DENND1B: variants seen among roughly 807,000 people sequenced by gnomAD.
DENND1B encodes the protein DENN domain-containing protein 1B.
DENND1B carries 59 observed loss-of-function variants against 90.1 expected under a neutral mutation model. The observed-to-expected ratio is 0.65, with a 90% CI of 0.53 to 0.81. The LOEUF (loss-of-function observed/expected upper bound fraction) is 0.81. Ranked by LOEUF, DENND1B falls within the 40% of genes least tolerant of loss-of-function variation. DENND1B has a pLI of 0.00. For synonymous variants in DENND1B, 337 were observed against 324.6 expected (o/e 1.04, Z -0.41); for missense variants, 862 against 912.6 (o/e 0.94, Z 0.71).
intron 10 of DENND1B, among the ~76,000 whole-genome samples, chr1:197,627,083 G>T (rs569503599): frequency 6.6e-6 from 1 of 152,040 alleles, no homozygotes; most frequent in Non-Finnish European, 1.5e-5. Context: ...ATTCACAGCC[G>T]AATTCTACCA....
At chr1:197,627,115 A>G (rs1400176859) in intron 10 of DENND1B, among the ~76,000 whole-genome samples, 1 of 152,186 alleles carries the variant, frequency 6.6e-6, no homozygotes, top group Admixed American at 6.5e-5. Context: ...AGGAACTGGT[A>G]CCATTCCTTC....
chr1:197,580,915 T>C (rs1170895114), intron 15 of DENND1B, among the ~76,000 whole-genome samples: 1 of 152,174 alleles, frequency 6.6e-6, no homozygotes, highest in African/African-American at 2.4e-5. Context: ...AATTGTAGTA[T>C]GTAGGTTATT....
intron 2 of DENND1B, among the ~76,000 whole-genome samples, chr1:197,729,182 C>T (rs1367274195): frequency 6.6e-6 from 1 of 152,158 alleles, no homozygotes; most frequent in East Asian, 1.9e-4. Flanking sequence ...ACCAAACCAT[C>T]TTATTTGTGT....
chr1:197,746,163 A>G, intron 2 of DENND1B, among the ~76,000 whole-genome samples: 1 of 152,204 alleles, frequency 6.6e-6, no homozygotes, highest in East Asian at 1.9e-4. Flanking sequence ...AGGCCAAGGC[A>G]GATGGATCAT....
intron 3 of DENND1B, among the ~76,000 whole-genome samples, chr1:197,707,673 AATAAT>A (rs567297586): frequency 0.023 from 3,368 of 145,618 alleles, 123 homozygotes; most frequent in African/African-American, 0.077. Context: ...TATATAATAT[AATAAT>A]ATAATATAAT....
chr1:197,691,277 A>C (rs1368165444), intron 3 of DENND1B, among the ~76,000 whole-genome samples: 1 of 150,846 alleles, frequency 6.6e-6, no homozygotes, highest in Non-Finnish European at 1.5e-5. Context: ...AAAAAAAAAG[A>C]CCTGATCAAA....
intron 3 of DENND1B, among the ~76,000 whole-genome samples, chr1:197,704,923 T>C (rs957410800): frequency 1.3e-5 from 2 of 152,168 alleles, no homozygotes; most frequent in Non-Finnish European, 2.9e-5. Context: ...TAGCTCTGCC[T>C]CTTACAAGCA....
intron 15 of DENND1B, among the ~76,000 whole-genome samples, chr1:197,562,228 A>T (rs1672229740): frequency 6.6e-6 from 1 of 151,868 alleles, no homozygotes; most frequent in African/African-American, 2.4e-5. Context: ...TCTCTGATGT[A>T]CCCCACACAA....
At chr1:197,780,327 CTTTTTTT>C (rs1265410957), upstream of DENND1B, among the ~76,000 whole-genome samples, 1 of 134,142 alleles carries the variant, frequency 7.5e-6, no homozygotes, top group African/African-American at 2.8e-5. Context: ...GGTGGCTTTT[CTTTTTTT>C]TTTTTTTTTT....
At chr1:197,724,533 C>G (rs548016611) in intron 2 of DENND1B, among the ~76,000 whole-genome samples, 69 of 152,146 alleles carry the variant, frequency 4.5e-4, no homozygotes, top group African/African-American at 1.6e-3. Flanking sequence ...TACAAATGCC[C>G]TCTTGAAGAA....
At chr1:197,616,049 A>C (rs1677617632) in intron 11 of DENND1B, among the ~76,000 whole-genome samples, 1 of 151,072 alleles carries the variant, frequency 6.6e-6, no homozygotes, top group Non-Finnish European at 1.5e-5. Flanking sequence ...AAAGTCTTAA[A>C]TGTGTAATTC....
chr1:197,701,475 T>C (rs1266398982), intron 3 of DENND1B, among the ~76,000 whole-genome samples: 1 of 151,754 alleles, frequency 6.6e-6, no homozygotes, highest in Non-Finnish European at 1.5e-5. Flanking sequence ...GGTGAATAGA[T>C]GCAGCAAACC....
At chr1:197,766,613 G>T (rs1348920090) in intron 2 of DENND1B, among the ~76,000 whole-genome samples, 1 of 152,048 alleles carries the variant, frequency 6.6e-6, no homozygotes, top group Non-Finnish European at 1.5e-5. Context: ...AAGAGTTTGA[G>T]GATGGGGTAT....
At chr1:197,518,289 T>A (rs1668540017) in intron 20 of DENND1B, among the ~76,000 whole-genome samples, 2 of 151,884 alleles carry the variant, frequency 1.3e-5, no homozygotes. Flanking sequence ...CTTGCCAGGA[T>A]ATAATTGGAC....
chr1:197,525,127 T>C (rs1424538323), intron 20 of DENND1B, among the ~76,000 whole-genome samples: 1 of 152,154 alleles, frequency 6.6e-6, no homozygotes, highest in Non-Finnish European at 1.5e-5. Context: ...GGAGGTCTCA[T>C]TATTCACCTG....
intron 2 of DENND1B, among the ~76,000 whole-genome samples, chr1:197,768,755 A>G (rs966681043): frequency 1.3e-5 from 2 of 152,222 alleles, no homozygotes; most frequent in East Asian, 1.9e-4. Context: ...AGGGGACACT[A>G]TAGGGAAATA....
intron 16 of DENND1B, chr1:197,552,329 C>T: frequency 1.0e-6 from 1 of 985,232 alleles, no homozygotes; most frequent in South Asian, 4.7e-5. Flanking sequence ...AAGCACTCAG[C>T]AAATAATGAA....
intron 20 of DENND1B, 25 bp from the exon 21 acceptor site, chr1:197,512,978 T>A: frequency 6.3e-7 from 1 of 1,591,126 alleles, no homozygotes; most frequent in Non-Finnish European, 8.6e-7. Flanking sequence ...TGACAATAAA[T>A]TGGCATTAGC....
intron 3 of DENND1B, among the ~76,000 whole-genome samples, chr1:197,684,980 T>G (rs1657081669): frequency 6.6e-6 from 1 of 151,936 alleles, no homozygotes; most frequent in Admixed American, 6.6e-5. Context: ...TAGCTGGGTG[T>G]GGCAGTGGGT....
Sources: gnomAD v4.1 joint callset for allele counts (sites outside exome capture counted in the v4.1 genomes callset) on GRCh38, gnomAD v4.1.1 for gene constraint, MANE v1.5 for transcripts, NCBI Gene and HGNC (gene_info 2026-07-23, HGNC 2026-07-21) for gene names.